The following C7orf33 variants were observed in gnomAD, a reference collection of about 807,000 sequenced individuals.
C7orf33 encodes chromosome 7 open reading frame 33.
In C7orf33, 15 loss-of-function variants were observed where a neutral mutation model predicts 13.4. The ratio of observed to expected loss-of-function variants is 1.12; its 90% CI spans 0.75 to 1.72. The LOEUF is 1.72. C7orf33 is among the 40% of genes most tolerant of loss of function. The probability of loss-of-function intolerance (pLI) is 0.00; values close to 1 mark genes in which losing one functional copy is unlikely to be tolerated. For missense variants in C7orf33, 187 were observed against 220.3 expected, an observed-to-expected ratio of 0.85 and a Z score of 0.96; for synonymous variants, 73 against 83.2, an observed-to-expected ratio of 0.88 and a Z score of 0.67.
chr7:148,605,544 C>T (rs1011078510), intron 1 of C7orf33, among the ~76,000 whole-genome samples: 7 of 152,210 alleles, frequency 4.6e-5, no homozygotes, highest in Admixed American at 6.5e-5. Flanking sequence ...TTCTTCACCC[C>T]GGCAGCAGCA....
intron 1 of C7orf33, among the ~76,000 whole-genome samples, chr7:148,610,603 T>A (rs1796526475): frequency 6.6e-6 from 1 of 152,138 alleles, no homozygotes; most frequent in South Asian, 2.1e-4. Flanking sequence ...ATCCTATTAG[T>A]TCTGTCGCTC....
rs542809797 is a variant in C7orf33 at position 148,594,178 on chromosome 7, T to C, written c.204+3049T>C. 9.3e-4 allele frequency among the ~76,000 whole-genome samples: 139 copies of C among 150,090 alleles called. 1 individual carries two copies. The highest frequency in any genetic ancestry group is 3.2e-3 in the African/African-American group (130 of 40,850). ...GCCAATTAAACCTCTTTTCTTTTTTTTTTTTTTTTTTTCTGAGACAGAGTC... is the reference window on the plus strand; with the variant it reads ...GCCAATTAAACCTCTTTTCTTTTTTCTTTTTTTTTTTTCTGAGACAGAGTC... On this transcript the variant is annotated intron_variant, in intron 1 of 2. Transcript: ENST00000307003.
chr7:148,598,761 TATAGAGAGAG>T (rs1461952734), intron 1 of C7orf33, among the ~76,000 whole-genome samples: 45 of 27,484 alleles, frequency 1.6e-3, no homozygotes, highest in South Asian at 2.9e-3. Flanking sequence ...TATATATATA[TATAGAGAGAG>T]AGAGAGAGAG....
At chr7:148,598,203 G>C (rs1222048106) in intron 1 of C7orf33, among the ~76,000 whole-genome samples, 3 of 151,938 alleles carry the variant, frequency 2.0e-5, no homozygotes, top group African/African-American at 4.8e-5. Context: ...CCTTATATGA[G>C]GCTTATGAAA....
intron 1 of C7orf33, among the ~76,000 whole-genome samples, chr7:148,606,019 C>T (rs1480115417): frequency 6.6e-6 from 1 of 152,082 alleles, no homozygotes; most frequent in Non-Finnish European, 1.5e-5. Context: ...AGATGGAAGC[C>T]CAGCCATGTT....
chr7:148,591,012 C>CA lies in C7orf33; in HGVS notation c.88dup (p.Ser30LysfsTer8), dbSNP rs1796262283. On this transcript the variant is annotated frameshift_variant, in exon 1 of 3. Coordinates refer to ENST00000307003, the MANE Select transcript of C7orf33 (RefSeq NM_145304.4). LOFTEE classifies it high-confidence loss of function. ...AATGTGAATGTGAAGCCCTCCTGCC[C>CA]AGTGGGGCAAGGCGCCGGATTGACC... 1 of 1,614,194 alleles carries CA rather than the reference C, an allele frequency of 6.2e-7. No homozygotes were observed. The highest frequency in any genetic ancestry group is 8.5e-7 in the Non-Finnish European group (1 of 1,180,036).
In C7orf33 at chr7:148,615,467, GA is replaced by G. The variant is rs1196334072; in HGVS notation, c.*72del. 5.2e-5 allele frequency: 52 copies of G among 1,007,916 alleles called. No individual in the cohort carries two copies. Among genetic ancestry groups the G allele is most frequent in the Admixed American group, 7.6e-5 (4 of 52,528 alleles). 62.4% of individuals were successfully genotyped at this position (1,007,916 alleles called of 1,614,324 possible). On this transcript the variant is annotated 3_prime_UTR_variant, in exon 3 of 3. Transcript: ENST00000307003. ...TAGATTGTGAAATCTCTTCTTGCAA[GA>G]AAAAAGAGAAATAGCTGAAGTTCTG...
intron 1 of C7orf33, among the ~76,000 whole-genome samples, chr7:148,602,913 C>T (rs1029632255): frequency 1.3e-5 from 2 of 152,192 alleles, no homozygotes; most frequent in Non-Finnish European, 2.9e-5. Context: ...AAAGAGTCAT[C>T]CTTTCCAGAT....
chr7:148,603,764 G>C (rs1796443031), intron 1 of C7orf33, among the ~76,000 whole-genome samples: 1 of 152,152 alleles, frequency 6.6e-6, no homozygotes, highest in African/African-American at 2.4e-5. Context: ...CAACAGGAGA[G>C]AGCCTTCTTA....
intron 1 of C7orf33, among the ~76,000 whole-genome samples, chr7:148,600,797 TTC>T (rs1796403443): frequency 2.2e-5 from 3 of 135,790 alleles, no homozygotes; most frequent in African/African-American, 9.8e-5. Context: ...TTTTATGGAC[TTC>T]TTTTTTTTTT....
chr7:148,613,877 G>A (rs73747580), intron 1 of C7orf33, among the ~76,000 whole-genome samples, 165 bp from the exon 2 acceptor site: 2,446 of 152,262 alleles, frequency 0.016, 72 homozygotes, highest in African/African-American at 0.056. Flanking sequence ...AAAAGCAAAT[G>A]TTGCCAAAAT....
chr7:148,594,922 G>T (rs1282449078), intron 1 of C7orf33, among the ~76,000 whole-genome samples: 1 of 151,976 alleles, frequency 6.6e-6, no homozygotes, highest in Non-Finnish European at 1.5e-5. Context: ...AGCCGCTCCT[G>T]CTTACATGAG....
intron 1 of C7orf33, among the ~76,000 whole-genome samples, chr7:148,598,004 C>T (rs1796361948): frequency 6.6e-6 from 1 of 152,208 alleles, no homozygotes; most frequent in Non-Finnish European, 1.5e-5. Context: ...ATCCTCCCGC[C>T]TTGGTCTCCA....
At chr7:148,595,434 T>G (rs1377537549) in intron 1 of C7orf33, among the ~76,000 whole-genome samples, 2 of 130,532 alleles carry the variant, frequency 1.5e-5, no homozygotes, top group Middle Eastern at 3.9e-3. Context: ...GATATATCTA[T>G]ATAATATAGA....
intron 1 of C7orf33, among the ~76,000 whole-genome samples, chr7:148,594,634 T>C (rs1478452477): frequency 6.6e-6 from 1 of 152,164 alleles, no homozygotes; most frequent in African/African-American, 2.4e-5. Context: ...TTCATTTGCT[T>C]GGCAGAAGGA....
chr7:148,598,743 TATATATATATATATATATATAGAGAG>T lies in C7orf33; in HGVS notation c.204+7616_204+7641del, dbSNP rs1311480438. On this transcript the variant is annotated intron_variant, in intron 1 of 2. Transcript: ENST00000307003. ...ATTCCTGGATATATATATATATATA[TATATATATATATATATATATAGAGAG>T]AGAGAGAGAGAGAGAGAGAGAGAGA... Among the ~76,000 whole-genome samples the T allele has an allele frequency of 1.5e-3, 106 of 69,254 alleles. 1 individual carries two copies. Among genetic ancestry groups the T allele is most frequent in the East Asian group, 0.012 (30 of 2,500 alleles). 45.4% of individuals were successfully genotyped at this position (69,254 alleles called of 152,430 possible). A position where few individuals can be genotyped will look rare whatever the true frequency, so the allele number is the denominator to read the frequency against.
At chr7:148,600,862 G>A (rs1411610789) in intron 1 of C7orf33, among the ~76,000 whole-genome samples, 1 of 147,022 alleles carries the variant, frequency 6.8e-6, no homozygotes, top group Non-Finnish European at 1.5e-5. Flanking sequence ...GAGAGCAGTG[G>A]CGTGATCTCG....
At position 148,590,784 on chromosome 7, in the gene C7orf33, C is replaced by T; in HGVS notation, c.-142C>T. The T allele has an allele frequency of 1.3e-6, 1 of 748,582 alleles. No homozygotes were observed. Among genetic ancestry groups the T allele is most frequent in the Non-Finnish European group, 2.3e-6 (1 of 437,420 alleles). 46.4% of individuals were successfully genotyped at this position (748,582 alleles called of 1,614,324 possible). A position where few individuals can be genotyped will look rare whatever the true frequency, so the allele number is the denominator to read the frequency against. On this transcript the variant is annotated 5_prime_UTR_variant, in exon 1 of 3. Transcript: ENST00000307003. ...TGACCTTACTTATGGTGATGCCAAT[C>T]CAGTGGTCAGGAGCGAGGCGCCCAG...
chr7:148,609,647 T>C (rs919008369), intron 1 of C7orf33, among the ~76,000 whole-genome samples: 1 of 152,114 alleles, frequency 6.6e-6, no homozygotes, highest in African/African-American at 2.4e-5. Flanking sequence ...TCCTTGGAAA[T>C]CACAAGCAAA....
Sources: allele counts gnomAD v4.1 joint callset (sites outside exome capture counted in the v4.1 genomes callset), GRCh38; gene constraint gnomAD v4.1.1; transcripts MANE v1.5; gene names NCBI Gene and HGNC (gene_info 2026-07-23, HGNC 2026-07-21).